The following FAT3 variants were observed in gnomAD, a reference collection of about 807,000 sequenced individuals.
FAT3 encodes FAT atypical cadherin 3.
Under a neutral mutation model 310.2 loss-of-function variants are expected in FAT3, and 95 were observed. The ratio of observed to expected loss-of-function variants is 0.31; its 90% CI spans 0.26 to 0.36. The LOEUF is 0.36. Ranked by LOEUF, FAT3 falls within the 10% of genes least tolerant of loss-of-function variation. FAT3 has a pLI of 1.00. For missense variants in FAT3, 5,408 were observed against 5,715.6 expected, an observed-to-expected ratio of 0.95 and a Z score of 1.74; for synonymous variants, 2,314 against 2,192.9, an observed-to-expected ratio of 1.06 and a Z score of -1.54.
intron 3 of FAT3, among the ~76,000 whole-genome samples, chr11:92,602,110 G>C (rs550705999): frequency 7.3e-4 from 110 of 150,844 alleles, no homozygotes; most frequent in Admixed American, 3.6e-3. Context: ...TTTAGCTCTT[G>C]TCATCCAGGC....
At chr11:92,388,726 G>A (rs1016680337) in intron 2 of FAT3, among the ~76,000 whole-genome samples, 1 of 152,122 alleles carries the variant, frequency 6.6e-6, no homozygotes, top group African/African-American at 2.4e-5. Context: ...GCAAATCAAT[G>A]AGAAAAGTAC....
chr11:92,602,200 A>T (rs542646915), intron 3 of FAT3, among the ~76,000 whole-genome samples: 1 of 151,872 alleles, frequency 6.6e-6, no homozygotes. Flanking sequence ...CAGCCTCCTG[A>T]GTAGCTGGGA....
At chr11:92,667,432 G>C (rs756758858) in intron 3 of FAT3, among the ~76,000 whole-genome samples, 1 of 152,012 alleles carries the variant, frequency 6.6e-6, no homozygotes, top group Non-Finnish European at 1.5e-5. Flanking sequence ...AAAAAACCAA[G>C]AGAACATCAC....
chr11:92,262,624 G>A (rs1002392869), intron 1 of FAT3, among the ~76,000 whole-genome samples: 9 of 152,098 alleles, frequency 5.9e-5, no homozygotes, highest in African/African-American at 1.9e-4. Flanking sequence ...ACAGGATACA[G>A]CATGATATAT....
At chr11:92,242,395 A>G (rs1284765823) in intron 1 of FAT3, among the ~76,000 whole-genome samples, 1 of 152,014 alleles carries the variant, frequency 6.6e-6, no homozygotes, top group Non-Finnish European at 1.5e-5. Context: ...AGTGGTTAAA[A>G]TAGGGGAAAA....
At chr11:92,662,052 C>T (rs1342692367) in intron 3 of FAT3, among the ~76,000 whole-genome samples, 1 of 152,002 alleles carries the variant, frequency 6.6e-6, no homozygotes, top group Non-Finnish European at 1.5e-5. Flanking sequence ...ACTGTTATTA[C>T]AATTATCAGA....
rs1047186521 is a variant in FAT3, at chr11:92,698,578, G to T, written c.3669+1133G>T. 4.0e-5 allele frequency among the ~76,000 whole-genome samples: 6 copies of T among 151,802 alleles called. No individual in the cohort carries two copies. The South Asian group carries it at 1.2e-3, about 32-fold the overall frequency. On this transcript the variant is annotated intron_variant, in intron 4 of 27. Coordinates refer to ENST00000525166, the MANE Select transcript of FAT3 (RefSeq NM_001367949.2). ...TATTTTTAAAACTCTTAAAGCATTGGATATAATAAAGGATTATTATTATTA... is the reference window on the plus strand; with the variant it reads ...TATTTTTAAAACTCTTAAAGCATTGTATATAATAAAGGATTATTATTATTA...
chr11:92,547,961 C>A (rs1041568673), intron 3 of FAT3, among the ~76,000 whole-genome samples: 1 of 152,094 alleles, frequency 6.6e-6, no homozygotes, highest in Admixed American at 6.6e-5. Context: ...TGTGGAGAGG[C>A]ATGGTAAAGG....
At chr11:92,512,560 T>C (rs1441810576) in intron 2 of FAT3, among the ~76,000 whole-genome samples, 1 of 147,204 alleles carries the variant, frequency 6.8e-6, no homozygotes, top group Non-Finnish European at 1.5e-5. Context: ...TATATAAATA[T>C]ATATAAATTA....
Position 92,369,038 on chromosome 11 carries a change from G to A in FAT3, c.3292+13634G>A, listed in dbSNP as rs1463636019. Among the ~76,000 whole-genome samples, 4 of 152,038 alleles carry A rather than the reference G, an allele frequency of 2.6e-5. No homozygotes were observed. The East Asian group carries it at 7.7e-4, about 29-fold the overall frequency. ...TAATCCCACTAAATGAAAACTAAAT[G>A]TATCCTCAACTTAATTCTCTTTTAG... On this transcript the variant is annotated intron_variant, in intron 2 of 27. Coordinates refer to ENST00000525166, the MANE Select transcript of FAT3 (RefSeq NM_001367949.2).
intron 3 of FAT3, among the ~76,000 whole-genome samples, chr11:92,553,675 CCCTTCCTTCCTTCCTTCCTTCCTTCCTT>C (rs55981814): frequency 9.2e-6 from 1 of 108,258 alleles, no homozygotes; most frequent in African/African-American, 3.0e-5. Context: ...GAATCTCCGT[CCCTTCCTTCCTTCCTTCCTTCCTTCCTT>C]CCTTCCTTCC....
chr11:92,592,966 A>C (rs1939512256), intron 3 of FAT3, among the ~76,000 whole-genome samples: 1 of 151,976 alleles, frequency 6.6e-6, no homozygotes, highest in Non-Finnish European at 1.5e-5. Context: ...ACAGCTCCCC[A>C]TTCTTCCCTC....
intron 3 of FAT3, among the ~76,000 whole-genome samples, chr11:92,610,782 A>G (rs1042605378): frequency 3.9e-5 from 6 of 152,186 alleles, no homozygotes; most frequent in African/African-American, 1.4e-4. Context: ...CAGAATAAAG[A>G]CCATGTTCAT....
At chr11:92,711,772 C>A (rs1252217334) in intron 4 of FAT3, among the ~76,000 whole-genome samples, 2 of 152,102 alleles carry the variant, frequency 1.3e-5, no homozygotes, top group African/African-American at 4.8e-5. Flanking sequence ...AAACATGTAA[C>A]CTAAATATGT....
At chr11:92,407,800 A>G (rs891727824) in intron 2 of FAT3, among the ~76,000 whole-genome samples, 2 of 152,182 alleles carry the variant, frequency 1.3e-5, no homozygotes, top group African/African-American at 4.8e-5. Flanking sequence ...ATAAGAGGAC[A>G]TTAATTCCTG....
chr11:92,598,232 T>TATATA lies in FAT3; in HGVS notation c.3607+73284_3607+73285insATATA, dbSNP rs1167646257. ...TATGTATACATATATATATATATAT[T>TATATA]TTTTTTTTTTTTGAGACAAAGTCTC... On this transcript the variant is annotated intron_variant, in intron 3 of 27. Transcript: ENST00000525166. Among the ~76,000 whole-genome samples, 267 of 60,054 alleles carry TATATA rather than the reference T, an allele frequency of 4.4e-3. 1 individual carries two copies. The highest frequency in any genetic ancestry group is 5.3e-3 in the Non-Finnish European group (142 of 27,022). 39.4% of individuals were successfully genotyped at this position (60,054 alleles called of 152,430 possible).
At chr11:92,328,032 G>A (rs1436836058) in intron 1 of FAT3, among the ~76,000 whole-genome samples, 18 of 152,182 alleles carry the variant, frequency 1.2e-4, no homozygotes, top group Non-Finnish European at 2.6e-4. Context: ...CAGCCTTGCA[G>A]ACAGCTCTGG....
chr11:92,799,715 C>A lies in FAT3; in HGVS notation c.6702C>A (p.Asp2234Glu). 1 of 1,613,026 alleles carries A rather than the reference C, an allele frequency of 6.2e-7. No homozygotes were observed. Among genetic ancestry groups the A allele is most frequent in the Non-Finnish European group, 8.5e-7 (1 of 1,179,498 alleles). The change falls in exon 10 of 28, where the codon GAC becomes GAA. Residue 2234 changes from aspartate to glutamate, a missense_variant. Coordinates refer to ENST00000525166, the MANE Select transcript of FAT3 (RefSeq NM_001367949.2). ...ACCCTTTTAAACAGTTTAACATTGA[C>A]TTTGACACTGGGGTCCTGAAAGTTG... ...DGDPFKQFNI[D>E]FDTGVLKVVS...
At chr11:92,527,349 C>T (rs1953901614) in intron 3 of FAT3, among the ~76,000 whole-genome samples, 1 of 152,154 alleles carries the variant, frequency 6.6e-6, no homozygotes, top group African/African-American at 2.4e-5. Flanking sequence ...TAGGAGTCCT[C>T]ACCAGAAATC....
Sources: gnomAD v4.1 joint callset for allele counts (sites outside exome capture counted in the v4.1 genomes callset) on GRCh38, gnomAD v4.1.1 for gene constraint, MANE v1.5 for transcripts, NCBI Gene and HGNC (gene_info 2026-07-23, HGNC 2026-07-21) for gene names.